CDH12: variants seen among roughly 807,000 people sequenced by gnomAD.
CDH12 encodes the protein cadherin 12, also known as cadherin-12.
CDH12 carries 41 observed loss-of-function variants against 74.1 expected under a neutral mutation model. That is an observed-to-expected ratio of 0.55 (90% CI 0.43 to 0.72). CDH12 has a LOEUF of 0.72. Among genes scored for constraint, CDH12 ranks in the 30% least tolerant of loss-of-function variants. The probability of loss-of-function intolerance (pLI) is 0.00; values close to 1 mark genes in which losing one functional copy is unlikely to be tolerated. For synonymous variants in CDH12, 399 were observed against 355.0 expected (o/e 1.12, Z -1.39); for missense variants, 945 against 977.2 (o/e 0.97, Z 0.44).
At position 22,664,645 on chromosome 5, in the gene CDH12, T is replaced by C. The variant is rs187963836; in HGVS notation, c.-522-159281A>G. The stretch of plus-strand genomic sequence containing the variant: ...ATATTTCTTACAATACTAGTAGTAA[T>C]AGTAATTAGGTGTTTCCTGTGTTCA... On this transcript the variant is annotated intron_variant, in intron 1 of 14. Transcript: ENST00000382254. Among the ~76,000 whole-genome samples, 10 of 152,280 alleles carry C rather than the reference T, an allele frequency of 6.6e-5. No homozygotes were observed. In the East Asian group the frequency reaches 1.5e-3, roughly 24 times the overall value.
intron 4 of CDH12, among the ~76,000 whole-genome samples, chr5:22,117,512 A>ATTATATATATATAATATATATAAT (rs1554012043): frequency 1.2e-4 from 7 of 58,608 alleles, no homozygotes; most frequent in African/African-American, 5.2e-4. Context: ...ATATATATAT[A>ATTATATATATATAATATATATAAT]ATATATATAT....
At chr5:22,045,722 T>C (rs1459549570) in intron 5 of CDH12, among the ~76,000 whole-genome samples, 5 of 152,020 alleles carry the variant, frequency 3.3e-5, no homozygotes, top group East Asian at 1.9e-4. Flanking sequence ...ATCTCACTCA[T>C]ATGTGGAATC....
chr5:22,689,064 T>C (rs1741952283), intron 1 of CDH12, among the ~76,000 whole-genome samples: 1 of 152,202 alleles, frequency 6.6e-6, no homozygotes, highest in African/African-American at 2.4e-5. Flanking sequence ...AGGGATTGTC[T>C]AAATAGCAGT....
chr5:22,824,467 A>G (rs1749902307), intron 1 of CDH12, among the ~76,000 whole-genome samples: 1 of 152,172 alleles, frequency 6.6e-6, no homozygotes. Flanking sequence ...ATAAATGTAA[A>G]TAACATATAA....
intron 1 of CDH12, among the ~76,000 whole-genome samples, chr5:22,624,352 A>G (rs925840533): frequency 1.3e-5 from 2 of 152,170 alleles, no homozygotes; most frequent in African/African-American, 2.4e-5. Context: ...AGAAGAAACT[A>G]CCATCGGAGT....
chr5:21,961,613 C>A (rs1216994243), intron 6 of CDH12, among the ~76,000 whole-genome samples: 5 of 151,942 alleles, frequency 3.3e-5, no homozygotes, highest in Non-Finnish European at 7.4e-5. Flanking sequence ...GCCTCTAATC[C>A]AATGTGATTG....
intron 2 of CDH12, among the ~76,000 whole-genome samples, chr5:22,452,901 A>AAAAAAAAAAT (rs1561415313): frequency 1.8e-4 from 23 of 125,932 alleles, no homozygotes; most frequent in Admixed American, 7.5e-4. Context: ...AAAAAAAAAA[A>AAAAAAAAAAT]AAATGAGTTA....
intron 5 of CDH12, among the ~76,000 whole-genome samples, chr5:22,059,693 A>C (rs1741050866): frequency 1.3e-5 from 2 of 152,158 alleles, no homozygotes; most frequent in Admixed American, 1.3e-4. Flanking sequence ...AAATATCATA[A>C]ATTCATGTGA....
chr5:21,882,713 G>A (rs1211113631), intron 6 of CDH12: 1 of 1,448,230 alleles, frequency 6.9e-7, no homozygotes, highest in South Asian at 1.2e-5. Context: ...AATGCTTCAA[G>A]GTGTAGGTAG....
At chr5:21,837,193 A>C (rs1749582683) in intron 8 of CDH12, among the ~76,000 whole-genome samples, 1 of 152,062 alleles carries the variant, frequency 6.6e-6, no homozygotes, top group African/African-American at 2.4e-5. Context: ...ACACACAGTG[A>C]TTTATTAGTC....
Position 22,766,827 on chromosome 5 carries a change from T to A in CDH12, c.-523+86231A>T, listed in dbSNP as rs1201570984. On this transcript the variant is annotated intron_variant, in intron 1 of 14. Coordinates refer to ENST00000382254, the MANE Select transcript of CDH12 (RefSeq NM_004061.5). ...CATAATTTAGAGATGAGTTAAAGTG[T>A]ATGGGAGGATGTGCATAGGTTATAT... 2.0e-5 allele frequency among the ~76,000 whole-genome samples: 3 copies of A among 152,112 alleles called. No individual in the cohort carries two copies. The East Asian group carries it at 5.8e-4, about 29-fold the overall frequency.
intron 3 of CDH12, among the ~76,000 whole-genome samples, chr5:22,369,990 C>A (rs1298937172): frequency 6.6e-6 from 1 of 151,978 alleles, no homozygotes; most frequent in Non-Finnish European, 1.5e-5. Flanking sequence ...AGGCAATATA[C>A]ATGTTTTATG....
Position 22,485,699 on chromosome 5 carries a change from A to C in CDH12, c.-428+19571T>G, listed in dbSNP as rs544537397. On this transcript the variant is annotated intron_variant, in intron 2 of 14. Transcript: ENST00000382254. ...AGTTAGATTTTACCTTATCTTATAT[A>C]TTCACATGGACTAACAAAACAGGTA... 2.3e-3 allele frequency among the ~76,000 whole-genome samples: 344 copies of C among 152,296 alleles called. 3 individuals are homozygous for C. Among genetic ancestry groups the C allele is most frequent in the African/African-American group, 7.9e-3 (330 of 41,578 alleles).
At chr5:22,503,814 G>T (rs1736275244) in intron 2 of CDH12, among the ~76,000 whole-genome samples, 1 of 151,950 alleles carries the variant, frequency 6.6e-6, no homozygotes. Flanking sequence ...TTAATGCTCT[G>T]TTATGCTTTA....
At chr5:22,090,146 C>T (rs887166732) in intron 4 of CDH12, among the ~76,000 whole-genome samples, 4 of 151,630 alleles carry the variant, frequency 2.6e-5, no homozygotes, top group Non-Finnish European at 5.9e-5. Context: ...TTAACAAATG[C>T]TTAGTTATAA....
chr5:21,945,460 A>AAAAAAAAAAAAG (rs1755535849), intron 6 of CDH12, among the ~76,000 whole-genome samples: 1 of 131,508 alleles, frequency 7.6e-6, no homozygotes, highest in African/African-American at 3.2e-5. Flanking sequence ...AAAAAAAAAG[A>AAAAAAAAAAAAG]GGTTGGAATT....
intron 1 of CDH12, among the ~76,000 whole-genome samples, chr5:22,745,131 G>T (rs1389031389): frequency 6.6e-6 from 1 of 151,874 alleles, no homozygotes; most frequent in Non-Finnish European, 1.5e-5. Flanking sequence ...TTTATGAAAT[G>T]TTCCCTAAAT....
intron 4 of CDH12, among the ~76,000 whole-genome samples, chr5:22,149,203 C>T (rs1158474333): frequency 6.6e-6 from 1 of 152,156 alleles, no homozygotes; most frequent in Non-Finnish European, 1.5e-5. Context: ...GACTACATCT[C>T]AAAAGACCCT....
At chr5:22,122,693 G>A (rs1254892332) in intron 4 of CDH12, among the ~76,000 whole-genome samples, 1 of 152,218 alleles carries the variant, frequency 6.6e-6, no homozygotes, top group Non-Finnish European at 1.5e-5. Context: ...CATTTGAATT[G>A]GTAGAATGAG....
Sources: allele counts gnomAD v4.1 joint callset (sites outside exome capture counted in the v4.1 genomes callset), GRCh38; gene constraint gnomAD v4.1.1; transcripts MANE v1.5; gene names NCBI Gene and HGNC (gene_info 2026-07-23, HGNC 2026-07-21).